ITGB4: variants seen among roughly 807,000 people sequenced by gnomAD.
The protein encoded by ITGB4 is integrin beta-4.
In ITGB4, 159 loss-of-function variants were observed where a neutral mutation model predicts 207.6. That is an observed-to-expected ratio of 0.77 (90% confidence interval 0.67 to 0.87). The LOEUF (loss-of-function observed/expected upper bound fraction) is 0.87, where lower values mean the gene tolerates loss of function less well. Among genes scored for constraint, ITGB4 ranks in the 40% least tolerant of loss-of-function variants. The pLI is 0.00. For missense variants in ITGB4, 2,278 were observed against 2,546.8 expected (o/e 0.89, Z 2.27); for synonymous variants, 1,020 against 1,062.7 (o/e 0.96, Z 0.78).
Position 75,727,494 on chromosome 17 carries a change from C to G in ITGB4, c.253C>G (p.Gln85Glu). ...CATCGTGGTCATGGAGAGCAGCTTC[C>G]AAATCACAGAGGTGCCTGGTGTGGG... ...ESIVVMESSF[Q>E]ITEETQIDTT... Residue 85 changes from glutamine to glutamate, a missense_variant, in exon 4 of 40, where the codon CAA becomes GAA. Gln to Glu is a conservative substitution (Grantham distance 29). Coordinates refer to ENST00000200181, the MANE Select transcript of ITGB4 (RefSeq NM_000213.5). The surrounding 1 kb of genome is among the most constrained non-coding windows in gnomAD (Gnocchi z 6.0). The G allele has an allele frequency of 6.2e-7, 1 of 1,613,810 alleles. No homozygotes were observed. The highest frequency in any genetic ancestry group is 1.1e-5 in the South Asian group (1 of 91,056).
intron 13 of ITGB4, among the ~76,000 whole-genome samples, chr17:75,734,134 T>G (rs1231534592): frequency 3.6e-5 from 5 of 140,098 alleles, no homozygotes; most frequent in Non-Finnish European, 6.2e-5. Context: ...GCTGTTTTTT[T>G]TTTTTTTTTT....
rs1180953227 is a variant in ITGB4 at position 75,739,663 on chromosome 17, G to A, written c.2221-9G>A. On this transcript the variant is annotated splice_polypyrimidine_tract_variant and intron_variant, in intron 18 of 39. Coordinates refer to ENST00000200181, the MANE Select transcript of ITGB4 (RefSeq NM_000213.5). The surrounding 1 kb of genome is among the most constrained non-coding windows in gnomAD (Gnocchi z 5.4). ...CTCAGGCCTCACCCTCACCCACCTTGTCTCCTAGGCCTGCCTGGCACTTCT... is the reference window on the plus strand; with the variant it reads ...CTCAGGCCTCACCCTCACCCACCTTATCTCCTAGGCCTGCCTGGCACTTCT... 1 of 1,614,124 alleles carries A rather than the reference G, an allele frequency of 6.2e-7. No individual in the cohort carries two copies. The highest frequency in any genetic ancestry group is 2.2e-5 in the East Asian group (1 of 44,880).
chr17:75,723,973 G>A (rs2060666588), intron 1 of ITGB4, among the ~76,000 whole-genome samples: 2 of 152,264 alleles, frequency 1.3e-5, no homozygotes, highest in South Asian at 2.1e-4. Flanking sequence ...ACCCACAGCC[G>A]CTGGGGACGC....
intron 1 of ITGB4, 101 bp from the exon 2 acceptor site, chr17:75,724,593 G>A: frequency 1.1e-6 from 1 of 941,084 alleles, no homozygotes; most frequent in Non-Finnish European, 1.7e-6. Context: ...CACATTGTTG[G>A]TGCTCAGAGC....
Position 75,732,434 on chromosome 17 carries a change from A to C in ITGB4, c.1454+195A>C, listed in dbSNP as rs1456267147. ...GGTCAAAGCACTTTGAAATACAGAG[A>C]TATATGGGCTGTCTCTAGAAAGAGG... On this transcript the variant is annotated intron_variant, in intron 12 of 39. Coordinates refer to ENST00000200181, the MANE Select transcript of ITGB4 (RefSeq NM_000213.5). The surrounding 1 kb of genome is among the most constrained non-coding windows in gnomAD (Gnocchi z 5.3). Among the ~76,000 whole-genome samples, 1 of 151,942 alleles carries C rather than the reference A, an allele frequency of 6.6e-6. No individual in the cohort carries two copies. The highest frequency in any genetic ancestry group is 2.4e-5 in the African/African-American group (1 of 41,334).
Position 75,739,982 on chromosome 17 carries a change from G to A in ITGB4, c.2357G>A (p.Gly786Asp), listed in dbSNP as rs764528048. Residue 786 changes from glycine to aspartate, a missense_variant, in exon 20 of 40, where the codon GGC (glycine) becomes GAC (aspartate). Coordinates refer to ENST00000200181, the MANE Select transcript of ITGB4 (RefSeq NM_000213.5). The surrounding 1 kb of genome is among the most constrained non-coding windows in gnomAD (Gnocchi z 5.4). ...ATGCTGCGCAGCGGGAACCTCAAGG[G>A]CCGTGACGTGGTCCGCTGGAAGGTC... ...TPMLRSGNLK[G>D]RDVVRWKVTN... 3 of 1,613,150 alleles carry A rather than the reference G, an allele frequency of 1.9e-6. No homozygotes were observed. In the African/African-American group the frequency reaches 4.0e-5, roughly 22 times the overall value.
Position 75,755,868 on chromosome 17 carries a change from C to T in ITGB4, c.4708+18C>T, listed in dbSNP as rs769557830. On this transcript the variant is annotated intron_variant, in intron 35 of 39. Transcript: ENST00000200181. ...GAACGGCGGTGAGGCATGGTGGCTG[C>T]CAGGCTGCGGGGTGCAGCCCTGCAA... is the stretch of plus-strand genomic sequence containing the variant. 87 of 1,598,340 alleles carry T rather than the reference C, an allele frequency of 5.4e-5. No homozygotes were observed. The highest frequency in any genetic ancestry group is 7.3e-5 in the Non-Finnish European group (86 of 1,178,946).
At chr17:75,734,083 C>G (rs1377325095) in intron 13 of ITGB4, among the ~76,000 whole-genome samples, 1 of 151,166 alleles carries the variant, frequency 6.6e-6, no homozygotes, top group African/African-American at 2.4e-5. Context: ...TTCCTCTCTC[C>G]AAAGATGCTA....
chr17:75,737,966 C>T (rs2061020429), intron 18 of ITGB4, among the ~76,000 whole-genome samples: 2 of 152,158 alleles, frequency 1.3e-5, no homozygotes, highest in Admixed American at 6.5e-5. Context: ...GCCTCTCCAC[C>T]CACCATCCCC....
intron 7 of ITGB4, 82 bp from the exon 8 acceptor site, chr17:75,730,159 G>T: frequency 6.3e-7 from 1 of 1,584,792 alleles, no homozygotes; most frequent in Admixed American, 1.7e-5. Flanking sequence ...GTTGGGACCC[G>T]CGTTCCCCGT....
Position 75,732,025 on chromosome 17 carries a change from G to T in ITGB4, c.1377+52G>T, listed in dbSNP as rs2060872457. ...GGGGAGAGCTGAGCCAAGCACCCAGGGACCCTGAGGAATGAAGCAGGACTC... is the reference window on the plus strand; with the variant it reads ...GGGGAGAGCTGAGCCAAGCACCCAGTGACCCTGAGGAATGAAGCAGGACTC... On this transcript the variant is annotated intron_variant, in intron 11 of 39. Coordinates refer to ENST00000200181, the MANE Select transcript of ITGB4 (RefSeq NM_000213.5). The surrounding 1 kb of genome is among the most constrained non-coding windows in gnomAD (Gnocchi z 5.3). The T allele has an allele frequency of 6.2e-7, 1 of 1,612,940 alleles. No individual in the cohort carries two copies. Among genetic ancestry groups the T allele is most frequent in the Non-Finnish European group, 8.5e-7 (1 of 1,179,312 alleles).
intron 26 of ITGB4, among the ~76,000 whole-genome samples, chr17:75,745,618 C>T (rs370553839): frequency 2.0e-5 from 3 of 152,180 alleles, no homozygotes; most frequent in African/African-American, 7.2e-5. Context: ...GTGGCGTATG[C>T]CTGTAATCCT....
rs2060881005 is a variant in ITGB4, at chr17:75,732,307, AG to A, written c.1454+72del. On this transcript the variant is annotated intron_variant, in intron 12 of 39. Transcript: ENST00000200181. The surrounding 1 kb of genome is among the most constrained non-coding windows in gnomAD (Gnocchi z 5.3). The stretch of plus-strand genomic sequence containing the variant: ...CCTGATGGGAAAGCTGGGCTCCTGC[AG>A]GGGCCTGGCCCTGGGTGCACCTTGT... 8 of 1,497,838 alleles carry A rather than the reference AG, an allele frequency of 5.3e-6. No homozygotes were observed. Among genetic ancestry groups the A allele is most frequent in the Middle Eastern group, 1.8e-4 (1 of 5,630 alleles). The allele number at this position is 1,497,838 out of a possible 1,614,324, so 92.8% of individuals were successfully genotyped here.
In ITGB4 at chr17:75,750,020, A is replaced by G; in HGVS notation, c.3317-91A>G. The G allele has an allele frequency of 6.6e-7, 1 of 1,512,736 alleles. No homozygotes were observed. Among genetic ancestry groups the G allele is most frequent in the African/African-American group, 1.4e-5 (1 of 73,042 alleles). 93.7% of individuals were successfully genotyped at this position (1,512,736 alleles called of 1,614,324 possible). A position where few individuals can be genotyped will look rare whatever the true frequency, so the allele number is the denominator to read the frequency against. On this transcript the variant is annotated intron_variant, in intron 27 of 39. Coordinates refer to ENST00000200181, the MANE Select transcript of ITGB4 (RefSeq NM_000213.5). This position sits in a 1 kb window ranked among gnomAD's most constrained non-coding sequence, Gnocchi z 5.5. ...CAGGTCTGAGTTGAATGCGCTGGGT[A>G]GAGCGCCCTGGGTGTTGAAGTGGGT...
intron 35 of ITGB4, 110 bp downstream of exon 35, chr17:75,755,960 C>A: frequency 4.6e-6 from 6 of 1,316,064 alleles, no homozygotes; most frequent in Non-Finnish European, 5.3e-6. Flanking sequence ...GTCCCTTGAG[C>A]GCTAAAGCCC....
Position 75,727,932 on chromosome 17 carries a change from G to T in ITGB4, c.469+77G>T. On this transcript the variant is annotated intron_variant, in intron 5 of 39. Transcript: ENST00000200181. The surrounding 1 kb of genome is among the most constrained non-coding windows in gnomAD (Gnocchi z 6.0). ...CGTCTGCTTGGGAGGCCAGGACTCA[G>T]GACAGCTGCACCCACCCAGAAGGAA... 1 of 1,355,348 alleles carries T rather than the reference G, an allele frequency of 7.4e-7. No individual in the cohort carries two copies. The highest frequency in any genetic ancestry group is 1.0e-6 in the Non-Finnish European group (1 of 956,490). 84.0% of individuals were successfully genotyped at this position (1,355,348 alleles called of 1,614,324 possible).
At chr17:75,743,606 A>C in intron 25 of ITGB4, 107 bp from the exon 26 acceptor site, 7 of 1,491,330 alleles carry the variant, frequency 4.7e-6, no homozygotes, top group Non-Finnish European at 5.6e-6. Flanking sequence ...AGAGGGAACC[A>C]AGCGGACTCC....
intron 26 of ITGB4, 102 bp downstream of exon 26, chr17:75,743,963 T>C: frequency 1.5e-6 from 2 of 1,317,886 alleles, no homozygotes; most frequent in Non-Finnish European, 2.1e-6. Context: ...CTTGAGTCCC[T>C]GGATACTGGC....
chr17:75,727,699 G>A lies in ITGB4; in HGVS notation c.313G>A (p.Gly105Ser). Reference protein sequence around the residue: ...TLRRSQMSPQGLRVRLRPGEE... With the variant: ...TLRRSQMSPQSLRVRLRPGEE... ...GCGGCGCAGCCAGATGTCCCCCCAAGGCCTGCGGGTCCGTCTGCGGCCCGG... is the reference window on the plus strand; with the variant it reads ...GCGGCGCAGCCAGATGTCCCCCCAAAGCCTGCGGGTCCGTCTGCGGCCCGG... Residue 105 changes from glycine (G) to serine (S), a missense_variant, in exon 5 of 40, where the codon GGC becomes AGC. Transcript: ENST00000200181. The surrounding 1 kb of genome is among the most constrained non-coding windows in gnomAD (Gnocchi z 6.0). 1 of 1,612,588 alleles carries A rather than the reference G, an allele frequency of 6.2e-7. No individual in the cohort carries two copies. Among genetic ancestry groups the A allele is most frequent in the Non-Finnish European group, 8.5e-7 (1 of 1,179,698 alleles).
Sources: allele counts gnomAD v4.1 joint callset (sites outside exome capture counted in the v4.1 genomes callset), GRCh38; gene constraint gnomAD v4.1.1; non-coding constraint Gnocchi (gnomAD v3.1); transcripts MANE v1.5; gene names NCBI Gene and HGNC (gene_info 2026-07-23, HGNC 2026-07-21).